PCDHA10: variants seen among roughly 807,000 people sequenced by gnomAD.
PCDHA10 encodes protocadherin alpha-10.
In PCDHA10, 45 loss-of-function variants were observed where a neutral mutation model predicts 61.2. The ratio of observed to expected loss-of-function variants is 0.74; its 90% CI spans 0.58 to 0.94. PCDHA10 has a LOEUF of 0.94. Among genes scored for constraint, PCDHA10 ranks in the 40% least tolerant of loss-of-function variants. PCDHA10 has a pLI of 0.00. For synonymous variants in PCDHA10, 602 were observed against 548.8 expected (o/e 1.10, Z -1.35); for missense variants, 1,278 against 1,236.2 (o/e 1.03, Z -0.51).
intron 1 of PCDHA10, chr5:140,871,547 A>T: frequency 6.7e-7 from 1 of 1,498,966 alleles, no homozygotes; most frequent in Non-Finnish European, 8.9e-7. Flanking sequence ...AATTATTTAA[A>T]ATCCAGTTTT....
chr5:140,986,634 A>C (rs1587175680), intron 3 of PCDHA10, among the ~76,000 whole-genome samples: 3 of 152,202 alleles, frequency 2.0e-5, no homozygotes, highest in South Asian at 2.1e-4. Flanking sequence ...GCAACAGTAC[A>C]TTAGTTTTAG....
chr5:140,995,511 A>G (rs561169284), intron 3 of PCDHA10, among the ~76,000 whole-genome samples: 1 of 152,342 alleles, frequency 6.6e-6, no homozygotes, highest in Admixed American at 6.5e-5. Flanking sequence ...TGGGTAACTG[A>G]AGCCTCAGAA....
At chr5:140,925,833 CG>C (rs2082756406) in intron 1 of PCDHA10, among the ~76,000 whole-genome samples, 1 of 152,070 alleles carries the variant, frequency 6.6e-6, no homozygotes, top group Admixed American at 6.5e-5. Flanking sequence ...GGGGACGGGT[CG>C]TCAAGTCTTT....
At chr5:140,928,469 A>G in intron 1 of PCDHA10, 1 of 1,614,144 alleles carries the variant, frequency 6.2e-7, no homozygotes, top group Non-Finnish European at 8.5e-7. Context: ...TTCCAAGTAG[A>G]AGGCCGGGAT....
chr5:140,901,599 A>C (rs1196199794), intron 1 of PCDHA10, among the ~76,000 whole-genome samples: 1 of 152,132 alleles, frequency 6.6e-6, no homozygotes, highest in Non-Finnish European at 1.5e-5. Flanking sequence ...TTTGGTTACT[A>C]TATCTCTATG....
At chr5:140,958,326 A>T (rs1440413634) in intron 1 of PCDHA10, among the ~76,000 whole-genome samples, 1 of 152,150 alleles carries the variant, frequency 6.6e-6, no homozygotes, top group Non-Finnish European at 1.5e-5. Flanking sequence ...CTCAAAAAAT[A>T]AATAAATCAC....
chr5:141,006,105 G>T (rs2098255059), intron 3 of PCDHA10, among the ~76,000 whole-genome samples: 1 of 143,364 alleles, frequency 7.0e-6, no homozygotes. Context: ...ATGGTAAGGA[G>T]TTTTTTTTTT....
intron 1 of PCDHA10, chr5:140,867,381 A>C (rs2049925984): frequency 6.6e-6 from 1 of 152,184 alleles, no homozygotes; most frequent in African/African-American, 2.4e-5. Context: ...AATGGAATTA[A>C]CGGTTATAAA....
chr5:140,965,928 C>T (rs2095948805), intron 1 of PCDHA10, among the ~76,000 whole-genome samples: 1 of 152,198 alleles, frequency 6.6e-6, no homozygotes, highest in South Asian at 2.1e-4. Flanking sequence ...GGCTTGCTCC[C>T]GGAAAGAGGG....
rs141394050 is a variant in PCDHA10 at position 140,948,629 on chromosome 5, T to C, written c.2389-30320T>C. 8.2e-3 allele frequency among the ~76,000 whole-genome samples: 1,244 copies of C among 151,828 alleles called. 11 individuals are homozygous for C. Among genetic ancestry groups the C allele is most frequent in the Non-Finnish European group, 0.013 (908 of 67,578 alleles). On this transcript the variant is annotated intron_variant, in intron 1 of 3. Transcript: ENST00000307360. ...TTTTGGCACAAAGTTGTTAATAATA[T>C]TCTCTCATCTTTTAACGTCTGTATA...
At chr5:140,968,683 A>G (rs782664501) in intron 1 of PCDHA10, 7 of 1,614,164 alleles carry the variant, frequency 4.3e-6, no homozygotes. Flanking sequence ...AGCTGCACAC[A>G]GGAGAAATTA....
chr5:140,987,709 T>TATG (rs1359366930), intron 3 of PCDHA10, among the ~76,000 whole-genome samples: 1 of 152,190 alleles, frequency 6.6e-6, no homozygotes, highest in Non-Finnish European at 1.5e-5. Flanking sequence ...TTTTTCCAGG[T>TATG]ATGAGTCTAT....
chr5:140,976,685 T>TTGC (rs1279936534), intron 1 of PCDHA10, among the ~76,000 whole-genome samples: 2 of 152,238 alleles, frequency 1.3e-5, no homozygotes, highest in East Asian at 3.8e-4. Flanking sequence ...TTTTGCAATT[T>TTGC]AAGTACAATA....
intron 1 of PCDHA10, chr5:140,882,453 G>C: frequency 1.2e-6 from 2 of 1,614,042 alleles, no homozygotes; most frequent in South Asian, 2.2e-5. Flanking sequence ...CTGGTGCCGC[G>C]CCTGTTCCGG....
At chr5:141,005,701 C>CA (rs59860837) in intron 3 of PCDHA10, among the ~76,000 whole-genome samples, 506 of 7,758 alleles carry the variant, frequency 0.065, 109 homozygotes, top group Non-Finnish European at 0.076. Context: ...AACTCCGTCT[C>CA]AAAAAAAAAA....
intron 1 of PCDHA10, chr5:140,870,532 T>A: frequency 1.2e-6 from 2 of 1,614,184 alleles, no homozygotes; most frequent in Non-Finnish European, 1.7e-6. Flanking sequence ...CTTCACAGTG[T>A]CGGCGCGGGA....
At chr5:140,871,651 T>C (rs1415489448) in intron 1 of PCDHA10, 20 of 1,258,470 alleles carry the variant, frequency 1.6e-5, no homozygotes, top group Non-Finnish European at 1.9e-5. Flanking sequence ...TACCAAATGA[T>C]ACACATCTTC....
intron 1 of PCDHA10, among the ~76,000 whole-genome samples, chr5:140,881,688 T>C (rs2153380887): frequency 6.6e-6 from 1 of 152,368 alleles, no homozygotes; most frequent in Middle Eastern, 3.4e-3. Flanking sequence ...TATGTTTCCT[T>C]TTGGAGTCAA....
At chr5:140,927,288 C>T (rs917590577) in intron 1 of PCDHA10, 1 of 1,614,196 alleles carries the variant, frequency 6.2e-7, no homozygotes, top group Non-Finnish European at 8.5e-7. Context: ...TGCAGCTGCA[C>T]ATCCCCGAGT....
Sources: gnomAD v4.1 joint callset for allele counts (sites outside exome capture counted in the v4.1 genomes callset) on GRCh38, gnomAD v4.1.1 for gene constraint, MANE v1.5 for transcripts, NCBI Gene and HGNC (gene_info 2026-07-23, HGNC 2026-07-21) for gene names.